CNOT7: variants seen among roughly 807,000 people sequenced by gnomAD.
The protein encoded by CNOT7 is CCR4-NOT transcription complex subunit 7.
In CNOT7, 4 loss-of-function variants were observed where a neutral mutation model predicts 37.1. That is an observed-to-expected ratio of 0.11 (90% CI 0.05 to 0.25). The LOEUF is 0.25. Ranked by LOEUF, CNOT7 falls within the 10% of genes least tolerant of loss-of-function variation. CNOT7 has a pLI of 1.00. For missense variants in CNOT7, 170 were observed against 336.2 expected, an observed-to-expected ratio of 0.51 and a Z score of 3.87; for synonymous variants, 128 against 115.6, an observed-to-expected ratio of 1.11 and a Z score of -0.69.
At chr8:17,231,864 C>G (rs76438127) in intron 6 of CNOT7, 415 of 985,854 alleles carry the variant, frequency 4.2e-4, no homozygotes, top group Admixed American at 4.9e-4. Flanking sequence ...GCAACTACTA[C>G]GTTGGATTTA....
intron 1 of CNOT7, among the ~76,000 whole-genome samples, chr8:17,245,537 C>G (rs945660160): frequency 6.6e-6 from 1 of 152,180 alleles, no homozygotes; most frequent in East Asian, 1.9e-4. Context: ...AGTTCAACTA[C>G]TCTGCATAAA....
Position 17,226,029 on chromosome 8 carries a change from C to CTTTTTTTTTTTT in CNOT7, c.*4679_*4690dup, listed in dbSNP as rs61036000. On this transcript the variant is annotated 3_prime_UTR_variant, in exon 7 of 7. Transcript: ENST00000361272. ...TCTTCTAGTAGAGAGGTGGACAAGC[C>CTTTTTTTTTTTT]TTTTTTTTTTTTTTTTTTTTTTTTT... 1.5e-3 allele frequency: 87 copies of CTTTTTTTTTTTT among 58,720 alleles called. 11 individuals are homozygous for CTTTTTTTTTTTT. Among genetic ancestry groups the CTTTTTTTTTTTT allele is most frequent in the African/African-American group, 5.3e-3 (80 of 15,082 alleles). The allele number at this position is 58,720 out of a possible 1,614,324, so 3.6% of individuals were successfully genotyped here.
At chr8:17,241,273 TC>T (rs1810123865) in intron 3 of CNOT7, 1 of 131,626 alleles carries the variant, frequency 7.6e-6, no homozygotes, top group Non-Finnish European at 1.7e-5. Context: ...TGGCTTAGTT[TC>T]ATTTTTTTTT....
chr8:17,234,709 G>T lies in CNOT7; in HGVS notation c.618+7C>A. On this transcript the variant is annotated splice_region_variant and intron_variant, in intron 5 of 6. Transcript: ENST00000361272. Reference sequence around the variant, plus strand: ...GCTGCTGTAGATAATGCCATCCGAAGCCTTACTTTGAGATTTTTGCAGCTC... The same window carrying T: ...GCTGCTGTAGATAATGCCATCCGAATCCTTACTTTGAGATTTTTGCAGCTC... 6.2e-7 allele frequency: 1 copy of T among 1,613,846 alleles called. No homozygotes were observed. Among genetic ancestry groups the T allele is most frequent in the Non-Finnish European group, 8.5e-7 (1 of 1,179,802 alleles).
chr8:17,239,570 C>A (rs1013207460), intron 3 of CNOT7, among the ~76,000 whole-genome samples: 4 of 152,176 alleles, frequency 2.6e-5, no homozygotes, highest in Non-Finnish European at 4.4e-5. Context: ...CGGCTCACTG[C>A]AAGCTCCACC....
rs1031301283 is a variant in CNOT7 at position 17,228,380 on chromosome 8, C to T, written c.*2340G>A. On this transcript the variant is annotated 3_prime_UTR_variant, in exon 7 of 7. Transcript: ENST00000361272. ...AAAATAAAAAAGTAAAACTTAGACCCAGTAAAAGTCAAAATGTTCCTCTAC... is the reference window on the plus strand; with the variant it reads ...AAAATAAAAAAGTAAAACTTAGACCTAGTAAAAGTCAAAATGTTCCTCTAC... 13 of 151,900 alleles carry T rather than the reference C, an allele frequency of 8.6e-5. No individual in the cohort carries two copies. Among genetic ancestry groups the T allele is most frequent in the African/African-American group, 3.1e-4 (13 of 41,406 alleles). The allele number at this position is 151,900 out of a possible 1,614,324, so 9.4% of individuals were successfully genotyped here. A position where few individuals can be genotyped will look rare whatever the true frequency, so the allele number is the denominator to read the frequency against.
At chr8:17,244,180 G>C (rs889967956) in intron 2 of CNOT7, 4 of 159,774 alleles carry the variant, frequency 2.5e-5, no homozygotes, top group Non-Finnish European at 4.1e-5. Flanking sequence ...GTAGAAAACA[G>C]TAGGGTAGCT....
Position 17,237,284 on chromosome 8 carries a change from T to G in CNOT7, c.401A>C (p.Gln134Pro). ...AGTCATAAGAAGTTCTGCAAAGTACTGGGTTTCAATTCCTTCCTCCTCATG... is the reference window on the plus strand; with the variant it reads ...AGTCATAAGAAGTTCTGCAAAGTACGGGGTTTCAATTCCTTCCTCCTCATG... ...KKHEEEGIET[Q>P]YFAELLMTSG... Residue 134 changes from glutamine (Q) to proline (P), a missense_variant, in exon 4 of 7, where the codon CAG (glutamine) becomes CCG (proline). By Grantham distance (76) the Gln-to-Pro change is moderately conservative. Transcript: ENST00000361272. The G allele has an allele frequency of 1.2e-6, 2 of 1,614,134 alleles. No individual in the cohort carries two copies. The highest frequency in any genetic ancestry group is 1.7e-6 in the Non-Finnish European group (2 of 1,179,970).
In CNOT7 at chr8:17,227,664, G is replaced by C. The variant is rs916068143; in HGVS notation, c.*3056C>G. 3 of 151,824 alleles carry C rather than the reference G, an allele frequency of 2.0e-5. No individual in the cohort carries two copies. The highest frequency in any genetic ancestry group is 4.4e-5 in the Non-Finnish European group (3 of 67,796). The allele number at this position is 151,824 out of a possible 1,614,324, so 9.4% of individuals were successfully genotyped here. The stretch of plus-strand genomic sequence containing the variant: ...TTTAAATTTTCTAATTCTTCTGACT[G>C]TTGCTTTCCCACCAGTTGGGAATAT... On this transcript the variant is annotated 3_prime_UTR_variant, in exon 7 of 7. Transcript: ENST00000361272.
In CNOT7 at chr8:17,245,253, A is replaced by G; in HGVS notation, c.-95-6T>C. On this transcript the variant is annotated splice_polypyrimidine_tract_variant and splice_region_variant and intron_variant, in intron 1 of 6. Coordinates refer to ENST00000361272, the MANE Select transcript of CNOT7 (RefSeq NM_013354.7). ...TTTATCCTTTATTTATGTACCTGTC[A>G]AAATAAAAAAACAATATGAAGACCA... The G allele has an allele frequency of 8.0e-7, 1 of 1,247,580 alleles. No homozygotes were observed. The highest frequency in any genetic ancestry group is 1.1e-6 in the Non-Finnish European group (1 of 942,156). The allele number at this position is 1,247,580 out of a possible 1,614,324, so 77.3% of individuals were successfully genotyped here. A position where few individuals can be genotyped will look rare whatever the true frequency, so the allele number is the denominator to read the frequency against.
chr8:17,234,645 G>C, intron 5 of CNOT7, 71 bp downstream of exon 5: 1 of 1,472,826 alleles, frequency 6.8e-7, no homozygotes, highest in African/African-American at 1.4e-5. Context: ...CAACATCCCA[G>C]CCTAGGCTCG....
chr8:17,245,147 T>G lies in CNOT7; in HGVS notation c.6A>C (p.Pro2=), dbSNP rs753027730. ...TTTGGCTATGATCTACAGTTGCCGCTGGCATAGTGAGGGCACAAGGGAGTC... is the reference window on the plus strand; with the variant it reads ...TTTGGCTATGATCTACAGTTGCCGCGGGCATAGTGAGGGCACAAGGGAGTC... The part of the protein sequence containing the change: M[P]AATVDHSQRI... Residue 2 remains proline (P), a synonymous_variant, in exon 2 of 7, where the codon CCA becomes CCC. Transcript: ENST00000361272. 1.2e-6 allele frequency: 2 copies of G among 1,612,288 alleles called. No individual in the cohort carries two copies. The highest frequency in any genetic ancestry group is 1.3e-5 in the African/African-American group (1 of 74,858).
Position 17,243,047 on chromosome 8 carries a change from C to T in CNOT7, c.256G>A (p.Gly86Arg). 6.2e-7 allele frequency: 1 copy of T among 1,608,208 alleles called. No individual in the cohort carries two copies. Among genetic ancestry groups the T allele is most frequent in the Non-Finnish European group, 8.5e-7 (1 of 1,178,098 alleles). The stretch of plus-strand genomic sequence containing the variant: ...GTTGAAGTTCCTGGAGGGTATTCTC[C>T]TTGCTCATTCATAAATGTCAGTCCT... Reference protein sequence around the residue: ...QLGLTFMNEQGEYPPGTSTWQ... With the variant: ...QLGLTFMNEQREYPPGTSTWQ... Residue 86 changes from glycine (G) to arginine (R), a missense_variant, in exon 3 of 7, where the codon GGA (glycine) becomes AGA (arginine). Around this residue, in one of 6 missense-constraint regions of CNOT7, gnomAD observed 20 missense variants for 18.5 expected, o/e 1.08. Coordinates refer to ENST00000361272, the MANE Select transcript of CNOT7 (RefSeq NM_013354.7).
At chr8:17,232,714 C>T (rs190236995) in intron 5 of CNOT7, among the ~76,000 whole-genome samples, 177 bp from the exon 6 acceptor site, 1 of 151,854 alleles carries the variant, frequency 6.6e-6, no homozygotes, top group African/African-American at 2.4e-5. Flanking sequence ...TTGTTGAATG[C>T]GGAAAAAGTA....
At chr8:17,240,162 G>A (rs1211809349) in intron 3 of CNOT7, among the ~76,000 whole-genome samples, 4 of 152,026 alleles carry the variant, frequency 2.6e-5, no homozygotes, top group East Asian at 1.9e-4. Flanking sequence ...TCTATATTAG[G>A]CATTACTCGT....
chr8:17,245,432 C>T (rs933330342), intron 1 of CNOT7, among the ~76,000 whole-genome samples, 185 bp from the exon 2 acceptor site: 3 of 151,934 alleles, frequency 2.0e-5, no homozygotes, highest in African/African-American at 7.3e-5. Flanking sequence ...GACTACAGTA[C>T]AGATTTCCTG....
At chr8:17,245,847 G>A (rs1810923451) in intron 1 of CNOT7, 1 of 152,050 alleles carries the variant, frequency 6.6e-6, no homozygotes, top group Non-Finnish European at 1.5e-5. Context: ...AGAGCATATT[G>A]CATGGTTACC....
intron 6 of CNOT7, 54 bp from the exon 7 acceptor site, chr8:17,230,902 C>G: frequency 1.5e-6 from 2 of 1,319,020 alleles, no homozygotes; most frequent in Non-Finnish European, 2.1e-6. Context: ...AAAGGAACCA[C>G]TTGTAATTTA....
In CNOT7 at chr8:17,245,170, G is replaced by C; in HGVS notation, c.-18C>G. Reference sequence around the variant, plus strand: ...GCTGGCATAGTGAGGGCACAAGGGAGTCTAGATGCCAAGCATCAAAATGTT... The same window carrying C: ...GCTGGCATAGTGAGGGCACAAGGGACTCTAGATGCCAAGCATCAAAATGTT... On this transcript the variant is annotated 5_prime_UTR_variant, in exon 2 of 7. Transcript: ENST00000361272. 6.3e-7 allele frequency: 1 copy of C among 1,588,072 alleles called. No individual in the cohort carries two copies. The highest frequency in any genetic ancestry group is 8.6e-7 in the Non-Finnish European group (1 of 1,168,936).
Sources: allele counts gnomAD v4.1 joint callset (sites outside exome capture counted in the v4.1 genomes callset), GRCh38; gene constraint gnomAD v4.1.1; regional missense constraint gnomAD v4.1.1; transcripts MANE v1.5; gene names NCBI Gene and HGNC (gene_info 2026-07-23, HGNC 2026-07-21).